The following SCAND3 variants were observed in gnomAD, a reference collection of about 807,000 sequenced individuals.
SCAND3 encodes the protein SCAN domain-containing protein 3.
the SCAND3 span, among the ~76,000 whole-genome samples, chr6:28,608,434 C>T: frequency 6.6e-6 from 1 of 152,098 alleles, no homozygotes; most frequent in East Asian, 1.9e-4. Flanking sequence ...GGTGTTGAGG[C>T]TGGTCCCCAA....
the SCAND3 span, chr6:28,586,844 G>A: frequency 1.4e-6 from 1 of 717,202 alleles, no homozygotes; most frequent in Non-Finnish European, 2.3e-6. The surrounding 1 kb of genome is among the most constrained non-coding windows in gnomAD (Gnocchi z 4.4). Context: ...ACTCAACACA[G>A]GACAACTACA....
chr6:28,580,259 A>G, the SCAND3 span, among the ~76,000 whole-genome samples: 49 of 152,168 alleles, frequency 3.2e-4, no homozygotes, highest in South Asian at 6.6e-3. Flanking sequence ...TTCGGGACCA[A>G]CTTAGCCAAC....
At chr6:28,602,955 A>C in the SCAND3 span, among the ~76,000 whole-genome samples, 4 of 139,434 alleles carry the variant, frequency 2.9e-5, no homozygotes, top group African/African-American at 6.1e-5. Flanking sequence ...ACCAAAAAAA[A>C]ATTTTTTTTT....
the SCAND3 span, among the ~76,000 whole-genome samples, chr6:28,605,660 C>T: frequency 2.9e-4 from 41 of 143,234 alleles, no homozygotes; most frequent in African/African-American, 9.7e-4. Flanking sequence ...GGTGAAACCC[C>T]GCCTCTACTA....
chr6:28,610,022 C>A, the SCAND3 span, among the ~76,000 whole-genome samples: 197 of 152,122 alleles, frequency 1.3e-3, 1 homozygote, highest in Middle Eastern at 0.017. Flanking sequence ...TTTGGGAGTT[C>A]GAGACCAGCC....
At chr6:28,609,104 A>T in the SCAND3 span, among the ~76,000 whole-genome samples, 1 of 152,246 alleles carries the variant, frequency 6.6e-6, no homozygotes, top group African/African-American at 2.4e-5. Context: ...TCATGACAAG[A>T]CAAGGATATT....
the SCAND3 span, chr6:28,585,306 T>C: frequency 6.6e-6 from 1 of 152,176 alleles, no homozygotes; most frequent in African/African-American, 2.4e-5. Flanking sequence ...TTGCTCCTTT[T>C]CTGGAATACA....
chr6:28,601,340 T>C, the SCAND3 span, among the ~76,000 whole-genome samples: 1 of 152,236 alleles, frequency 6.6e-6, no homozygotes, highest in Non-Finnish European at 1.5e-5. Flanking sequence ...ATAAGAATGG[T>C]AAATGCTAAT....
chr6:28,575,043 G>A, the SCAND3 span: 3 of 1,613,972 alleles, frequency 1.9e-6, no homozygotes, highest in African/African-American at 1.3e-5. The surrounding 1 kb of genome is among the most constrained non-coding windows in gnomAD (Gnocchi z 4.2). Context: ...CTAACTCTTT[G>A]TCAGCCTGAT....
the SCAND3 span, among the ~76,000 whole-genome samples, chr6:28,597,359 AC>A: frequency 2.6e-5 from 4 of 152,196 alleles, no homozygotes; most frequent in African/African-American, 9.6e-5. Flanking sequence ...TGGGATTCGA[AC>A]CCACGCGTGC....
chr6:28,605,106 G>A, the SCAND3 span, among the ~76,000 whole-genome samples: 360 of 152,144 alleles, frequency 2.4e-3, 2 homozygotes, highest in African/African-American at 8.1e-3. Context: ...TTTTCGATTG[G>A]TATCTGACTT....
chr6:28,582,656 C>T, the SCAND3 span, among the ~76,000 whole-genome samples: 7 of 152,208 alleles, frequency 4.6e-5, no homozygotes, highest in Non-Finnish European at 1.0e-4. The surrounding 1 kb of genome is among the most constrained non-coding windows in gnomAD (Gnocchi z 4.8). Context: ...CGCACGGTGG[C>T]TCACGCCTGT....
chr6:28,585,586 T>C, the SCAND3 span, among the ~76,000 whole-genome samples: 1 of 152,216 alleles, frequency 6.6e-6, no homozygotes, highest in Non-Finnish European at 1.5e-5. Context: ...GACCTCATTT[T>C]AAAAGATTTT....
At chr6:28,575,015 G>C in the SCAND3 span, 1 of 1,613,758 alleles carries the variant, frequency 6.2e-7, no homozygotes, top group African/African-American at 1.3e-5. This position sits in a 1 kb window ranked among gnomAD's most constrained non-coding sequence, Gnocchi z 4.2. Flanking sequence ...TCTTCATACT[G>C]GGCTCTTAAA....
At chr6:28,575,850 C>T in the SCAND3 span, 2 of 1,614,078 alleles carry the variant, frequency 1.2e-6, no homozygotes, top group Non-Finnish European at 1.7e-6. This position sits in a 1 kb window ranked among gnomAD's most constrained non-coding sequence, Gnocchi z 4.2. Context: ...CAATTAGCTT[C>T]TCATTTCCTT....
the SCAND3 span, among the ~76,000 whole-genome samples, chr6:28,614,316 T>G: frequency 2.0e-3 from 301 of 152,268 alleles, 3 homozygotes; most frequent in African/African-American, 4.7e-3. Flanking sequence ...CAAAAAGATA[T>G]TTTTAAGTGA....
At chr6:28,591,401 C>T in the SCAND3 span, 1 of 152,180 alleles carries the variant, frequency 6.6e-6, no homozygotes, top group Non-Finnish European at 1.5e-5. Context: ...AAAAACTCCA[C>T]CCTTGAACAA....
the SCAND3 span, chr6:28,585,196 T>C: frequency 6.6e-6 from 1 of 152,368 alleles, no homozygotes; most frequent in East Asian, 1.9e-4. Context: ...ACTGTATAGT[T>C]TCAAACTTGT....
chr6:28,596,880 G>T, the SCAND3 span, among the ~76,000 whole-genome samples: 2 of 152,100 alleles, frequency 1.3e-5, no homozygotes, highest in Non-Finnish European at 2.9e-5. Context: ...TTTCAGTAAG[G>T]TTAAAATTAG....
Sources: allele counts gnomAD v4.1 joint callset (sites outside exome capture counted in the v4.1 genomes callset), GRCh38; gene constraint gnomAD v4.1.1; non-coding constraint Gnocchi (gnomAD v3.1); transcripts MANE v1.5; gene names NCBI Gene and HGNC (gene_info 2026-07-23, HGNC 2026-07-21).